Variants in SHANK1 observed in about 807,000 individuals in gnomAD.
SHANK1 encodes SH3 and multiple ankyrin repeat domains 1.
SHANK1 carries 35 observed loss-of-function variants against 165.6 expected under a neutral mutation model. The observed-to-expected ratio is 0.21, with a 90% CI of 0.16 to 0.28. The LOEUF is 0.28. Ranked by LOEUF, SHANK1 falls within the 10% of genes least tolerant of loss-of-function variation. The pLI, the probability that SHANK1 is intolerant of heterozygous loss-of-function variation, is 1.00. For missense variants in SHANK1, 2,681 were observed against 3,036.4 expected (o/e 0.88, Z 2.75); for synonymous variants, 1,428 against 1,384.8 (o/e 1.03, Z -0.69).
At chr19:50,695,116 T>G in intron 15 of SHANK1, among the ~76,000 whole-genome samples, 1 of 144,714 alleles carries the variant, frequency 6.9e-6, no homozygotes, top group South Asian at 2.2e-4. Flanking sequence ...CGCGTCCCCG[T>G]ACCCGCTCGG....
At chr19:50,699,067 C>T in intron 12 of SHANK1, among the ~76,000 whole-genome samples, 1 of 152,332 alleles carries the variant, frequency 6.6e-6, no homozygotes, top group South Asian at 2.1e-4. Context: ...TGAGTTGGGG[C>T]CATCAGATGT....
chr19:50,703,632 G>C lies in SHANK1; in HGVS notation c.1421C>G (p.Pro474Arg), dbSNP rs1295866875. Residue 474 changes from proline (P) to arginine (R), a missense_variant, in exon 11 of 24, where the codon CCC becomes CGC. Pro to Arg is a moderately radical substitution (Grantham distance 103, BLOSUM62 -2). Around this residue, in one of 10 missense-constraint regions of SHANK1, gnomAD observed 195 missense variants for 186.2 expected, o/e 1.05. Transcript: ENST00000293441. The stretch of plus-strand genomic sequence containing the variant: ...GCTGAGCTTGGTGGTGGGGGCCGAG[G>C]GCTGCGACTGGCCCTGGGACCCTGA... ...PTSGSQGQSQ[P>R]SAPTTKLSSG... 6.5e-7 allele frequency: 1 copy of C among 1,544,340 alleles called. No individual in the cohort carries two copies. The highest frequency in any genetic ancestry group is 2.4e-5 in the East Asian group (1 of 42,364).
At chr19:50,695,251 G>GGGGGCGCGGGGGCGC (rs979708703) in intron 15 of SHANK1, among the ~76,000 whole-genome samples, 58 of 145,112 alleles carry the variant, frequency 4.0e-4, no homozygotes, top group African/African-American at 1.4e-3. Context: ...TCACATGCCG[G>GGGGGCGCGGGGGCGC]GGGGCGCGGG....
intron 23 of SHANK1, among the ~76,000 whole-genome samples, chr19:50,664,102 G>C (rs1053727093): frequency 2.8e-5 from 4 of 140,690 alleles, no homozygotes; most frequent in African/African-American, 1.1e-4. Context: ...ACTGTGCCCA[G>C]CCTCCTTTTT....
Position 50,667,936 on chromosome 19 carries a change from G to T in SHANK1, c.4024C>A (p.Leu1342Met). The change falls in exon 23 of 24, where the codon CTG becomes ATG. Residue 1342 changes from leucine to methionine, a missense_variant. This residue lies in a region of SHANK1 where 1,713 missense variants were observed against 1,630.2 expected (regional missense o/e 1.05). Coordinates refer to ENST00000293441, the MANE Select transcript of SHANK1 (RefSeq NM_016148.5). This position sits in a 1 kb window ranked among gnomAD's most constrained non-coding sequence, Gnocchi z 5.7. ...GCGGGATCCAGGGCCTTGCCGGTCA[G>T]CGGGTGCACCAGGGGTCGCGGGGGC... Reference protein sequence around the residue: ...FLPPRPLVHPLTGKALDPASP... With the variant: ...FLPPRPLVHPMTGKALDPASP... 7.3e-7 allele frequency: 1 copy of T among 1,373,178 alleles called. No individual in the cohort carries two copies. Among genetic ancestry groups the T allele is most frequent in the Non-Finnish European group, 9.4e-7 (1 of 1,069,290 alleles). 85.1% of individuals were successfully genotyped at this position (1,373,178 alleles called of 1,614,324 possible).
At chr19:50,684,454 G>C (rs1443358276) in intron 21 of SHANK1, among the ~76,000 whole-genome samples, 1 of 152,130 alleles carries the variant, frequency 6.6e-6, no homozygotes. Context: ...TCGAACTCCT[G>C]ACCTCAGGTG....
chr19:50,688,985 G>T lies in SHANK1; in HGVS notation c.2048-17C>A, dbSNP rs756896261. The T allele has an allele frequency of 2.0e-6, 3 of 1,530,540 alleles. No homozygotes were observed. The highest frequency in any genetic ancestry group is 2.8e-5 in the African/African-American group (2 of 72,614). 94.8% of individuals were successfully genotyped at this position (1,530,540 alleles called of 1,614,324 possible). ...GGGTCTGCGCTGCAGACAGGGAGGA[G>T]CCGGCGGGGTCGGAGGGGAGGGGGT... On this transcript the variant is annotated splice_polypyrimidine_tract_variant and intron_variant, in intron 16 of 23. Coordinates refer to ENST00000293441, the MANE Select transcript of SHANK1 (RefSeq NM_016148.5). This position sits in a 1 kb window ranked among gnomAD's most constrained non-coding sequence, Gnocchi z 6.7.
Position 50,714,186 on chromosome 19 carries a change from C to A in SHANK1, c.636G>T (p.Ser212=). The change falls in exon 5 of 24, where the codon TCG becomes TCT. Residue 212 remains serine, a synonymous_variant. Coordinates refer to ENST00000293441, the MANE Select transcript of SHANK1 (RefSeq NM_016148.5). Reference sequence around the variant, plus strand: ...CTGATGCGCACCCCTCCCTACCTCCCGAATCCGAGTCATGGTAATTGGGGT... The same window carrying A: ...CTGATGCGCACCCCTCCCTACCTCCAGAATCCGAGTCATGGTAATTGGGGT... The part of the protein sequence containing the change: ...GLDPNYHDSD[S]GETPLTLAAQ... The A allele has an allele frequency of 1.9e-6, 3 of 1,614,042 alleles. No homozygotes were observed. Among genetic ancestry groups the A allele is most frequent in the Non-Finnish European group, 2.5e-6 (3 of 1,179,940 alleles).
At chr19:50,696,948 C>T in intron 15 of SHANK1, 148 bp downstream of exon 15, 4 of 718,944 alleles carry the variant, frequency 5.6e-6, no homozygotes, top group Non-Finnish European at 1.0e-5. Flanking sequence ...CACACATGCA[C>T]ACAGATGCGT....
chr19:50,665,739 A>AAAAAG (rs1985466743), intron 23 of SHANK1, among the ~76,000 whole-genome samples: 1 of 145,336 alleles, frequency 6.9e-6, no homozygotes, highest in Non-Finnish European at 1.5e-5. Flanking sequence ...CCTGTTTCTA[A>AAAAAG]AAAAAAAAAA....
rs1985605169 is a variant in SHANK1, at chr19:50,667,815, G to A, written c.4145C>T (p.Ser1382Leu). 3.9e-6 allele frequency: 5 copies of A among 1,296,162 alleles called. No individual in the cohort carries two copies. Among genetic ancestry groups the A allele is most frequent in the Non-Finnish European group, 3.9e-6 (4 of 1,027,094 alleles). The allele number at this position is 1,296,162 out of a possible 1,614,324, so 80.3% of individuals were successfully genotyped here. A position where few individuals can be genotyped will look rare whatever the true frequency, so the allele number is the denominator to read the frequency against. ...GGGCGGCGGGGCCTCGTAGCGGGGC[G>A]ATGGGGGCCTGGGAGGCGGCTGGGG... is the stretch of plus-strand genomic sequence containing the variant. ...GAPQPPPRPP[S>L]PRYEAPPPTP... Residue 1382 changes from serine to leucine, a missense_variant, in exon 23 of 24, where the codon TCG becomes TTG. Ser to Leu is a moderately radical substitution (Grantham distance 145). Around this residue, in one of 10 missense-constraint regions of SHANK1, gnomAD observed 1,713 missense variants for 1,630.2 expected, o/e 1.05. Coordinates refer to ENST00000293441, the MANE Select transcript of SHANK1 (RefSeq NM_016148.5). This position sits in a 1 kb window ranked among gnomAD's most constrained non-coding sequence, Gnocchi z 5.7.
chr19:50,686,754 C>T lies in SHANK1; in HGVS notation c.2448G>A (p.Gln816=), dbSNP rs918221242. Residue 816 remains glutamine, a synonymous_variant, in exon 20 of 24, where the codon CAG becomes CAA. Transcript: ENST00000293441. This position sits in a 1 kb window ranked among gnomAD's most constrained non-coding sequence, Gnocchi z 5.7. ...PSMEKKRTVY[Q]MALNKLDEIL... ...GCTGGGCCGTCTTACTGAGAGCCATCTGATACACGGTCCGCTTTTTCTCCA... is the reference window on the plus strand; with the variant it reads ...GCTGGGCCGTCTTACTGAGAGCCATTTGATACACGGTCCGCTTTTTCTCCA... 6.2e-7 allele frequency: 1 copy of T among 1,613,666 alleles called. No homozygotes were observed. The highest frequency in any genetic ancestry group is 1.3e-5 in the African/African-American group (1 of 74,890).
At position 50,661,427 on chromosome 19, in the gene SHANK1, G is replaced by A. The variant is rs932197619; in HGVS notation, c.*538C>T. Among the ~76,000 whole-genome samples the A allele has an allele frequency of 2.6e-5, 4 of 151,872 alleles. No individual in the cohort carries two copies. Among genetic ancestry groups the A allele is most frequent in the Admixed American group, 1.3e-4 (2 of 15,274 alleles). On this transcript the variant is annotated 3_prime_UTR_variant, in exon 24 of 24. Transcript: ENST00000293441. ...TTGTGCAAAATTGCAGCCCGGGGAC[G>A]GGAGGGGAGAGAGGTGAGCAGGCGT...
intron 8 of SHANK1, among the ~76,000 whole-genome samples, chr19:50,707,648 C>T (rs1391186205): frequency 6.6e-6 from 1 of 151,636 alleles, no homozygotes; most frequent in East Asian, 1.9e-4. Flanking sequence ...GCAGCCTCCA[C>T]CTTTTGGGCT....
At chr19:50,683,944 T>C (rs1326403688) in intron 21 of SHANK1, among the ~76,000 whole-genome samples, 2 of 152,258 alleles carry the variant, frequency 1.3e-5, no homozygotes, top group African/African-American at 4.8e-5. Flanking sequence ...ACTTTGGTTC[T>C]GTCTTGATGA....
Position 50,686,257 on chromosome 19 carries a change from T to G in SHANK1, c.2557A>C (p.Lys853Gln). Residue 853 changes from lysine to glutamine, a missense_variant, in exon 21 of 24, where the codon AAA becomes CAA. Around this residue, in one of 10 missense-constraint regions of SHANK1, gnomAD observed 206 missense variants for 216.0 expected, o/e 0.95. Coordinates refer to ENST00000293441, the MANE Select transcript of SHANK1 (RefSeq NM_016148.5). The surrounding 1 kb of genome is among the most constrained non-coding windows in gnomAD (Gnocchi z 5.7). ...CCTACCTCAGTGGCAAAGAAACCTT[T>G]GGGTCGGTGTTTGCCCAGGGACGCG... ...GLASLGKHRPKGFFATESSFD... is the reference protein window; with the variant it reads ...GLASLGKHRPQGFFATESSFD... 1 of 1,603,094 alleles carries G rather than the reference T, an allele frequency of 6.2e-7. No homozygotes were observed.
rs1357674190 is a variant in SHANK1 at position 50,666,477 on chromosome 19, G to A, written c.5483C>T (p.Pro1828Leu). ...CTTCCGGGGCAGAGAGGAGGCCGTCGGCAAGGGCACCGGTGGGACTTCTGG... is the reference window on the plus strand; with the variant it reads ...CTTCCGGGGCAGAGAGGAGGCCGTCAGCAAGGGCACCGGTGGGACTTCTGG... ...VEPEVPPVPL[P>L]TASSLPRKLL... The change falls in exon 23 of 24, where the codon CCG (proline) becomes CTG (leucine). Residue 1828 changes from proline (P) to leucine (L), a missense_variant. By Grantham distance (98) the Pro-to-Leu change is moderately conservative (BLOSUM62 -3). This residue lies in a region of SHANK1 where 1,713 missense variants were observed against 1,630.2 expected (regional missense o/e 1.05). Coordinates refer to ENST00000293441, the MANE Select transcript of SHANK1 (RefSeq NM_016148.5). 4.4e-6 allele frequency: 7 copies of A among 1,601,016 alleles called. No individual in the cohort carries two copies. In the South Asian group the frequency reaches 5.6e-5, roughly 13 times the overall value.
chr19:50,694,919 C>G (rs1986682179), intron 15 of SHANK1, among the ~76,000 whole-genome samples: 2 of 150,468 alleles, frequency 1.3e-5, no homozygotes, highest in East Asian at 2.0e-4. Context: ...ATGTACCAGA[C>G]GCTGCGCCGC....
Position 50,670,683 on chromosome 19 carries a change from G to A in SHANK1, c.2674+1335C>T, listed in dbSNP as rs979127168. On this transcript the variant is annotated intron_variant, in intron 22 of 23. Transcript: ENST00000293441. This position sits in a 1 kb window ranked among gnomAD's most constrained non-coding sequence, Gnocchi z 4.1. ...CAGGCCTCCTCCCTGTTCTGTAAACGCACCAGACTCAGCCCGACCTCAGGA... is the reference window on the plus strand; with the variant it reads ...CAGGCCTCCTCCCTGTTCTGTAAACACACCAGACTCAGCCCGACCTCAGGA... 1.1e-4 allele frequency among the ~76,000 whole-genome samples: 17 copies of A among 152,148 alleles called. No individual in the cohort carries two copies. Among genetic ancestry groups the A allele is most frequent in the African/African-American group, 2.4e-4 (10 of 41,436 alleles).
Sources: allele counts gnomAD v4.1 joint callset (sites outside exome capture counted in the v4.1 genomes callset), GRCh38; gene constraint gnomAD v4.1.1; regional missense constraint gnomAD v4.1.1; non-coding constraint Gnocchi (gnomAD v3.1); transcripts MANE v1.5; gene names NCBI Gene and HGNC (gene_info 2026-07-23, HGNC 2026-07-21).